TCF21: variants seen among roughly 807,000 people sequenced by gnomAD.
TCF21 encodes capsulin.
A neutral mutation model predicts 13.5 loss-of-function variants in TCF21; 3 were observed. That is an observed-to-expected ratio of 0.22 (90% CI 0.10 to 0.57). The LOEUF is 0.57. Ranked by LOEUF, TCF21 falls within the 20% of genes least tolerant of loss-of-function variation. The pLI is 0.92. For missense variants in TCF21, 181 were observed against 238.4 expected (o/e 0.76, Z 1.59); for synonymous variants, 92 against 101.7 (o/e 0.90, Z 0.57).
rs61729591 is a variant in TCF21 at position 133,889,460 on chromosome 6, C to G, written c.63C>G (p.Asp21Glu). ...DLQEVEMLEC[D>E]GLKMDSNKEF... ...AAGAGGTGGAGATGTTGGAATGTGACGGGTTGAAAATGGATTCGAACAAGG... is the reference window on the plus strand; with the variant it reads ...AAGAGGTGGAGATGTTGGAATGTGAGGGGTTGAAAATGGATTCGAACAAGG... Residue 21 changes from aspartate (D) to glutamate (E), a missense_variant, in exon 1 of 2, where the codon GAC becomes GAG. Asp to Glu is a conservative substitution (Grantham distance 45). Transcript: ENST00000367882. The surrounding 1 kb of genome is among the most constrained non-coding windows in gnomAD (Gnocchi z 5.1). 13,990 of 1,614,060 alleles carry G rather than the reference C, an allele frequency of 8.7e-3. 84 individuals are homozygous for G. The highest frequency in any genetic ancestry group is 0.011 in the Non-Finnish European group (12,520 of 1,179,990).
downstream of TCF21, chr6:133,895,089 C>T (rs1343618085): frequency 1.3e-5 from 2 of 152,028 alleles, no homozygotes; most frequent in South Asian, 4.2e-4. Context: ...AGCAGGCTTT[C>T]CCACTGTCAA....
chr6:133,894,040 T>G (rs1775263854), downstream of TCF21: 1 of 152,156 alleles, frequency 6.6e-6, no homozygotes, highest in African/African-American at 2.4e-5. Context: ...ATCTGTAAAA[T>G]CCCTTGGTAA....
chr6:133,891,872 C>A lies in TCF21; in HGVS notation c.*70C>A, dbSNP rs1035858509. ...GGGCCCCGGGAAGGCGACCCCTGCC[C>A]TCAGTGCTCTCTGTCTCTGCTTCCC... On this transcript the variant is annotated 3_prime_UTR_variant, in exon 2 of 2. Coordinates refer to ENST00000367882, the MANE Select transcript of TCF21 (RefSeq NM_003206.4). The A allele has an allele frequency of 4.0e-6, 6 of 1,504,244 alleles. No homozygotes were observed. Among genetic ancestry groups the A allele is most frequent in the Non-Finnish European group, 5.5e-6 (6 of 1,091,234 alleles). The allele number at this position is 1,504,244 out of a possible 1,614,324, so 93.2% of individuals were successfully genotyped here.
chr6:133,890,467 A>G (rs1003410842), intron 1 of TCF21, among the ~76,000 whole-genome samples: 4 of 152,234 alleles, frequency 2.6e-5, no homozygotes, highest in Non-Finnish European at 5.9e-5. Flanking sequence ...CAAAATCAGT[A>G]AATCCTCACT....
downstream of TCF21, chr6:133,895,009 C>A (rs1196922634): frequency 7.0e-6 from 1 of 142,984 alleles, no homozygotes; most frequent in East Asian, 2.0e-4. Flanking sequence ...AGTCCTCTCT[C>A]TCGCTCTCTC....
In TCF21 at chr6:133,891,901, C is replaced by A; in HGVS notation, c.*99C>A. The A allele has an allele frequency of 8.1e-7, 1 of 1,232,010 alleles. No homozygotes were observed. 76.3% of individuals were successfully genotyped at this position (1,232,010 alleles called of 1,614,324 possible). A position where few individuals can be genotyped will look rare whatever the true frequency, so the allele number is the denominator to read the frequency against. ...GTGCTCTCTGTCTCTGCTTCCCCCT[C>A]GCAATGCTCCTCTCTCTGTCCCACC... On this transcript the variant is annotated 3_prime_UTR_variant, in exon 2 of 2. Coordinates refer to ENST00000367882, the MANE Select transcript of TCF21 (RefSeq NM_003206.4).
At position 133,889,938 on chromosome 6, in the gene TCF21, G is replaced by C. The variant is rs1342144977; in HGVS notation, c.450+91G>C. 6.9e-7 allele frequency: 1 copy of C among 1,440,132 alleles called. No homozygotes were observed. The highest frequency in any genetic ancestry group is 1.4e-5 in the African/African-American group (1 of 71,206). 89.2% of individuals were successfully genotyped at this position (1,440,132 alleles called of 1,614,324 possible). ...AGTGCGCGCGGGGCTGGGAGTGGGG[G>C]TGTGGGCGCGGCGGTGACTTACACA... On this transcript the variant is annotated intron_variant, in intron 1 of 1. Transcript: ENST00000367882. The surrounding 1 kb of genome is among the most constrained non-coding windows in gnomAD (Gnocchi z 5.1).
Position 133,891,926 on chromosome 6 carries a change from C to A in TCF21, c.*124C>A. 1.6e-5 allele frequency: 15 copies of A among 934,468 alleles called. No homozygotes were observed. In the South Asian group the frequency reaches 2.3e-4, roughly 14 times the overall value. 57.9% of individuals were successfully genotyped at this position (934,468 alleles called of 1,614,324 possible). ...CGCAATGCTCCTCTCTCTGTCCCAC[C>A]CCGCGAGAACACTTTACAACGACGA... On this transcript the variant is annotated 3_prime_UTR_variant, in exon 2 of 2. Transcript: ENST00000367882.
downstream of TCF21, chr6:133,893,951 A>G (rs987394380): frequency 1.3e-5 from 2 of 152,202 alleles, no homozygotes; most frequent in Non-Finnish European, 2.9e-5. Context: ...GATAACGGTA[A>G]TGAGAATGAT....
chr6:133,889,971 C>A lies in TCF21; in HGVS notation c.450+124C>A. 1 of 1,090,550 alleles carries A rather than the reference C, an allele frequency of 9.2e-7. No homozygotes were observed. The highest frequency in any genetic ancestry group is 1.4e-6 in the Non-Finnish European group (1 of 730,672). 67.6% of individuals were successfully genotyped at this position (1,090,550 alleles called of 1,614,324 possible). ...GCGGCGGTGACTTACACATCTCGAC[C>A]ACCGCGGGCCTAGAGCCTCCAGGGA... On this transcript the variant is annotated intron_variant, in intron 1 of 1. Coordinates refer to ENST00000367882, the MANE Select transcript of TCF21 (RefSeq NM_003206.4). This position sits in a 1 kb window ranked among gnomAD's most constrained non-coding sequence, Gnocchi z 5.1.
In TCF21 at chr6:133,889,923, G is replaced by C; in HGVS notation, c.450+76G>C. On this transcript the variant is annotated intron_variant, in intron 1 of 1. Transcript: ENST00000367882. The surrounding 1 kb of genome is among the most constrained non-coding windows in gnomAD (Gnocchi z 5.1). ...CCTGCGGTGGGCGCGAGTGCGCGCG[G>C]GGCTGGGAGTGGGGGTGTGGGCGCG... 6.5e-7 allele frequency: 1 copy of C among 1,542,498 alleles called. No individual in the cohort carries two copies. Among genetic ancestry groups the C allele is most frequent in the Non-Finnish European group, 8.9e-7 (1 of 1,119,104 alleles).
In TCF21 at chr6:133,889,253, A is replaced by G. The variant is rs1170209778; in HGVS notation, c.-145A>G. On this transcript the variant is annotated 5_prime_UTR_variant, in exon 1 of 2. Transcript: ENST00000367882. This position sits in a 1 kb window ranked among gnomAD's most constrained non-coding sequence, Gnocchi z 5.1. ...GGTTGTGAGACCCAACCAGACCCCA[A>G]CTCCAGCTCCCAGCAGGAGGTGGCT... The G allele has an allele frequency of 1.7e-5, 18 of 1,062,994 alleles. No individual in the cohort carries two copies. The highest frequency in any genetic ancestry group is 2.6e-5 in the South Asian group (2 of 76,740). The allele number at this position is 1,062,994 out of a possible 1,614,324, so 65.8% of individuals were successfully genotyped here. A position where few individuals can be genotyped will look rare whatever the true frequency, so the allele number is the denominator to read the frequency against.
chr6:133,889,169 C>A lies in TCF21; in HGVS notation c.-229C>A. The A allele has an allele frequency of 1.7e-6, 1 of 588,114 alleles. No individual in the cohort carries two copies. The highest frequency in any genetic ancestry group is 3.0e-6 in the Non-Finnish European group (1 of 330,860). 36.4% of individuals were successfully genotyped at this position (588,114 alleles called of 1,614,324 possible). ...CTCTGGGAGTGGGGAAACAGAGAGC[C>A]GGTTCCTCTGCTGCAGAAGTCCTCG... On this transcript the variant is annotated 5_prime_UTR_variant, in exon 1 of 2. Coordinates refer to ENST00000367882, the MANE Select transcript of TCF21 (RefSeq NM_003206.4). This position sits in a 1 kb window ranked among gnomAD's most constrained non-coding sequence, Gnocchi z 5.1.
At chr6:133,891,531 G>A (rs901999083) in intron 1 of TCF21, among the ~76,000 whole-genome samples, 182 bp from the exon 2 acceptor site, 2 of 152,216 alleles carry the variant, frequency 1.3e-5, no homozygotes, top group Non-Finnish European at 2.9e-5. Flanking sequence ...TGGCGCCAAA[G>A]CAGCTATTTG....
downstream of TCF21, chr6:133,893,871 T>G (rs1775259855): frequency 6.6e-6 from 1 of 152,236 alleles, no homozygotes; most frequent in South Asian, 2.1e-4. Context: ...GATTTGACCC[T>G]GGTTCTGCAT....
In TCF21 at chr6:133,889,483, A is replaced by G. The variant is rs1226833441; in HGVS notation, c.86A>G (p.Lys29Arg). ...ECDGLKMDSN[K>R]EFVTSNESTE... ...GACGGGTTGAAAATGGATTCGAACA[A>G]GGAATTTGTGACTTCCAACGAGAGC... The change falls in exon 1 of 2, where the codon AAG (lysine) becomes AGG (arginine). Residue 29 changes from lysine to arginine, a missense_variant. By Grantham distance (26) the Lys-to-Arg change is conservative. Coordinates refer to ENST00000367882, the MANE Select transcript of TCF21 (RefSeq NM_003206.4). The surrounding 1 kb of genome is among the most constrained non-coding windows in gnomAD (Gnocchi z 5.1). The G allele has an allele frequency of 1.4e-5, 22 of 1,614,086 alleles. No individual in the cohort carries two copies. Among genetic ancestry groups the G allele is most frequent in the Non-Finnish European group, 1.8e-5 (21 of 1,180,004 alleles).
intron 1 of TCF21, among the ~76,000 whole-genome samples, chr6:133,891,392 A>T (rs1313071423): frequency 2.0e-5 from 3 of 152,132 alleles, no homozygotes; most frequent in Non-Finnish European, 4.4e-5. Context: ...CCACAGCACC[A>T]CCCACTCTCC....
At chr6:133,893,898 T>C (rs1775260124), downstream of TCF21, 1 of 152,330 alleles carries the variant, frequency 6.6e-6, no homozygotes, top group South Asian at 2.1e-4. Flanking sequence ...AGCTGTTTCT[T>C]GAAAGAGCCT....
chr6:133,894,298 C>T (rs1447105647), downstream of TCF21: 1 of 152,192 alleles, frequency 6.6e-6, no homozygotes, highest in Non-Finnish European at 1.5e-5. Context: ...CTAAATTTGT[C>T]CAGAGCTTTC....
Sources: allele counts gnomAD v4.1 joint callset (sites outside exome capture counted in the v4.1 genomes callset), GRCh38; gene constraint gnomAD v4.1.1; non-coding constraint Gnocchi (gnomAD v3.1); transcripts MANE v1.5; gene names NCBI Gene and HGNC (gene_info 2026-07-23, HGNC 2026-07-21).